Variants in TMEM266 observed in about 807,000 individuals in gnomAD.
TMEM266 encodes the protein transmembrane protein 266, also known as Hv1 related protein 1.
A neutral mutation model predicts 50.5 loss-of-function variants in TMEM266; 33 were observed. The ratio of observed to expected loss-of-function variants is 0.65; its 90% CI spans 0.50 to 0.87. TMEM266 has a LOEUF of 0.87. TMEM266 is among the 40% of genes least tolerant of loss of function. The pLI, the probability that TMEM266 is intolerant of heterozygous loss-of-function variation, is 0.00. For synonymous variants in TMEM266, 310 were observed against 292.3 expected, an observed-to-expected ratio of 1.06 and a Z score of -0.62; for missense variants, 655 against 695.1, an observed-to-expected ratio of 0.94 and a Z score of 0.65.
At chr15:76,143,969 G>A (rs775144799) in intron 3 of TMEM266, among the ~76,000 whole-genome samples, 12 of 152,106 alleles carry the variant, frequency 7.9e-5, no homozygotes, top group Non-Finnish European at 1.2e-4. Flanking sequence ...ATCCTGATGA[G>A]TGTCTGTGGA....
intron 8 of TMEM266, among the ~76,000 whole-genome samples, chr15:76,190,881 C>T (rs1250255867): frequency 6.6e-6 from 1 of 152,122 alleles, no homozygotes; most frequent in African/African-American, 2.4e-5. Flanking sequence ...TTTCTCTGTC[C>T]GCCCTCCCGA....
At chr15:76,137,380 C>T (rs1174122033) in intron 2 of TMEM266, among the ~76,000 whole-genome samples, 2 of 152,196 alleles carry the variant, frequency 1.3e-5, no homozygotes, top group Admixed American at 1.3e-4. Flanking sequence ...AAAGTCTAAG[C>T]CATAGTTTTG....
chr15:76,127,323 C>CTTT (rs530406441), intron 1 of TMEM266, among the ~76,000 whole-genome samples: 9 of 138,984 alleles, frequency 6.5e-5, no homozygotes, highest in South Asian at 2.4e-4. Flanking sequence ...ACCTCTAGTC[C>CTTT]TTTTTTTTTT....
intron 1 of TMEM266, among the ~76,000 whole-genome samples, chr15:76,095,461 A>T (rs893225299): frequency 6.6e-6 from 1 of 152,070 alleles, no homozygotes; most frequent in African/African-American, 2.4e-5. Flanking sequence ...CCAGGGATGA[A>T]GCCGACTTGA....
At chr15:76,163,799 G>A (rs2038052649) in intron 5 of TMEM266, among the ~76,000 whole-genome samples, 1 of 152,226 alleles carries the variant, frequency 6.6e-6, no homozygotes, top group African/African-American at 2.4e-5. Flanking sequence ...AAGAGAAAGC[G>A]GAGCCGCGGC....
At chr15:76,181,968 C>T (rs369054427) in intron 8 of TMEM266, among the ~76,000 whole-genome samples, 5 of 152,138 alleles carry the variant, frequency 3.3e-5, no homozygotes, top group East Asian at 3.8e-4. Context: ...TCTTCTCTGA[C>T]GTTCTGCTTC....
chr15:76,175,833 C>T (rs1358693850), intron 8 of TMEM266, 159 bp downstream of exon 8: 1 of 590,998 alleles, frequency 1.7e-6, no homozygotes, highest in East Asian at 3.0e-5. Context: ...GAGAAGGGGA[C>T]ACATCTCCAG....
chr15:76,075,017 G>A (rs997231870), intron 1 of TMEM266, among the ~76,000 whole-genome samples: 2 of 152,112 alleles, frequency 1.3e-5, no homozygotes, highest in African/African-American at 4.8e-5. Context: ...TGGAGATAGA[G>A]GAGGAGCAGA....
intron 9 of TMEM266, among the ~76,000 whole-genome samples, chr15:76,199,316 A>G (rs888459121): frequency 2.0e-5 from 3 of 152,186 alleles, no homozygotes; most frequent in Non-Finnish European, 4.4e-5. Flanking sequence ...CTCAGGAGGG[A>G]TGTCTGGGCT....
chr15:76,113,530 A>G (rs1002024073), intron 1 of TMEM266: 1 of 152,360 alleles, frequency 6.6e-6, no homozygotes, highest in Non-Finnish European at 1.5e-5. Flanking sequence ...ATGTTCAGTA[A>G]GCAGTAGGCA....
chr15:76,178,128 G>C (rs941669517), intron 8 of TMEM266, among the ~76,000 whole-genome samples: 2 of 152,188 alleles, frequency 1.3e-5, no homozygotes, highest in Non-Finnish European at 2.9e-5. Flanking sequence ...TGACCAGAGA[G>C]TTTGGGCTTT....
At chr15:76,143,943 C>G (rs1009377009) in intron 3 of TMEM266, among the ~76,000 whole-genome samples, 2 of 152,140 alleles carry the variant, frequency 1.3e-5, no homozygotes, top group Admixed American at 1.3e-4. Flanking sequence ...CACAGGGATC[C>G]CAAACGTATC....
chr15:76,195,218 A>G (rs2038636842), intron 9 of TMEM266, among the ~76,000 whole-genome samples: 2 of 152,176 alleles, frequency 1.3e-5, no homozygotes, highest in Non-Finnish European at 2.9e-5. Flanking sequence ...CCCCACTGCC[A>G]GGAGCGTTTA....
chr15:76,089,665 T>C (rs1256528736), intron 1 of TMEM266, among the ~76,000 whole-genome samples: 1 of 152,118 alleles, frequency 6.6e-6, no homozygotes, highest in Non-Finnish European at 1.5e-5. Context: ...GGCAAAGATA[T>C]GGTCGTGCGT....
chr15:76,135,424 G>A (rs896070211), intron 2 of TMEM266, among the ~76,000 whole-genome samples: 2 of 152,308 alleles, frequency 1.3e-5, no homozygotes, highest in Non-Finnish European at 2.9e-5. Context: ...AGGCAGAAAC[G>A]TTGGAAAGCC....
At chr15:76,141,382 C>T (rs1032798842) in intron 3 of TMEM266, among the ~76,000 whole-genome samples, 15 of 151,940 alleles carry the variant, frequency 9.9e-5, no homozygotes, top group African/African-American at 3.4e-4. Context: ...ATTACAGACG[C>T]GTGCAATCAT....
intron 7 of TMEM266, 127 bp downstream of exon 7, chr15:76,171,258 AGGGAGAGG>A (rs2038184304): frequency 7.5e-7 from 1 of 1,335,996 alleles, no homozygotes; most frequent in Admixed American, 2.4e-5. Flanking sequence ...AACTGTCGGC[AGGGAGAGG>A]GGCCAGCTGT....
Position 76,087,804 on chromosome 15 carries a change from A to T in TMEM266, c.-97+27788A>T, listed in dbSNP as rs79825012. Among the ~76,000 whole-genome samples, 421 of 152,258 alleles carry T rather than the reference A, an allele frequency of 2.8e-3. 3 individuals carry two copies. The highest frequency in any genetic ancestry group is 9.0e-3 in the African/African-American group (372 of 41,552). On this transcript the variant is annotated intron_variant, in intron 1 of 10. Coordinates refer to ENST00000388942, the MANE Select transcript of TMEM266 (RefSeq NM_152335.3). ...GTGATTAAACAAATGTGAGGGGCTG[A>T]TGTCAAATGCTGTAGAAGTCAAGTC...
chr15:76,194,673 G>A (rs2038628843), intron 9 of TMEM266, among the ~76,000 whole-genome samples: 1 of 152,284 alleles, frequency 6.6e-6, no homozygotes, highest in Admixed American at 6.5e-5. Flanking sequence ...GGCTCCTGGT[G>A]GCGGCTGGCA....
Sources: gnomAD v4.1 joint callset for allele counts (sites outside exome capture counted in the v4.1 genomes callset) on GRCh38, gnomAD v4.1.1 for gene constraint, MANE v1.5 for transcripts, NCBI Gene and HGNC (gene_info 2026-07-23, HGNC 2026-07-21) for gene names.